The following TMCC1 variants were observed in gnomAD, a reference collection of about 807,000 sequenced individuals.
TMCC1 encodes the protein transmembrane and coiled-coil domains protein 1.
In TMCC1, 15 loss-of-function variants were observed where a neutral mutation model predicts 52.4. The observed-to-expected ratio is 0.29, with a 90% CI of 0.19 to 0.44. TMCC1 has a LOEUF of 0.44. Among genes scored for constraint, TMCC1 ranks in the 20% least tolerant of loss-of-function variants. TMCC1 has a pLI of 1.00. For synonymous variants in TMCC1, 279 were observed against 301.9 expected, an observed-to-expected ratio of 0.92 and a Z score of 0.79; for missense variants, 503 against 806.0, an observed-to-expected ratio of 0.62 and a Z score of 4.55.
intron 4 of TMCC1, among the ~76,000 whole-genome samples, chr3:129,806,252 T>C (rs543078441): frequency 1.3e-5 from 2 of 152,208 alleles, no homozygotes; most frequent in Admixed American, 6.5e-5. Context: ...GGCATAAACC[T>C]ACACAGGCAG....
chr3:129,838,953 C>G (rs2107861355), intron 2 of TMCC1, among the ~76,000 whole-genome samples: 1 of 152,078 alleles, frequency 6.6e-6, no homozygotes, highest in East Asian at 1.9e-4. Context: ...GAAAAGAAAA[C>G]TGCCCATCCA....
intron 4 of TMCC1, among the ~76,000 whole-genome samples, chr3:129,717,537 T>G (rs939862806): frequency 1.3e-5 from 2 of 152,220 alleles, no homozygotes; most frequent in Non-Finnish European, 2.9e-5. Flanking sequence ...CTTAGATGGC[T>G]GATGGACACC....
chr3:129,757,844 T>C (rs957126631), intron 4 of TMCC1, among the ~76,000 whole-genome samples: 1 of 144,770 alleles, frequency 6.9e-6, no homozygotes, highest in Non-Finnish European at 1.5e-5. Flanking sequence ...ATAAATAAAT[T>C]AAAAAAAAAA....
intron 4 of TMCC1, among the ~76,000 whole-genome samples, chr3:129,703,345 G>A (rs1187013496): frequency 1.3e-5 from 2 of 152,136 alleles, no homozygotes; most frequent in Non-Finnish European, 2.9e-5. Context: ...GCATCCAAAT[G>A]GCCAATTTCT....
At chr3:129,758,854 C>T (rs2053248184) in intron 4 of TMCC1, among the ~76,000 whole-genome samples, 1 of 152,204 alleles carries the variant, frequency 6.6e-6, no homozygotes, top group South Asian at 2.1e-4. Flanking sequence ...CCCCTGGCAA[C>T]CACCATTCTA....
intron 4 of TMCC1, among the ~76,000 whole-genome samples, chr3:129,808,359 G>A (rs1001100453): frequency 6.6e-6 from 1 of 152,032 alleles, no homozygotes; most frequent in Non-Finnish European, 1.5e-5. Flanking sequence ...GTGTGCACCT[G>A]TAATCCTAGC....
chr3:129,655,992 T>C (rs1309152349), intron 5 of TMCC1, among the ~76,000 whole-genome samples: 1 of 152,142 alleles, frequency 6.6e-6, no homozygotes, highest in East Asian at 1.9e-4. Flanking sequence ...GAATAGTGCA[T>C]CTATGTTGGA....
At chr3:129,862,611 G>T (rs562095309) in intron 2 of TMCC1, among the ~76,000 whole-genome samples, 38 of 152,266 alleles carry the variant, frequency 2.5e-4, no homozygotes, top group African/African-American at 8.4e-4. Flanking sequence ...AATAAGTGCT[G>T]AATAAATATT....
intron 4 of TMCC1, among the ~76,000 whole-genome samples, chr3:129,723,338 C>T (rs2049782934): frequency 6.7e-6 from 1 of 148,550 alleles, no homozygotes; most frequent in Admixed American, 6.7e-5. Context: ...AAATAAGTAG[C>T]TGAGCACTAA....
chr3:129,846,499 CTTAAAG>C (rs1045626462), intron 2 of TMCC1, among the ~76,000 whole-genome samples: 2 of 152,132 alleles, frequency 1.3e-5, no homozygotes, highest in African/African-American at 4.8e-5. Context: ...CAGTTCTATT[CTTAAAG>C]TTATTTCTTT....
chr3:129,687,168 A>G (rs564170658), intron 4 of TMCC1, among the ~76,000 whole-genome samples: 1 of 152,288 alleles, frequency 6.6e-6, no homozygotes, highest in Admixed American at 6.5e-5. Context: ...AGTCAGCAAA[A>G]AGTCAGGTGT....
intron 4 of TMCC1, among the ~76,000 whole-genome samples, chr3:129,760,452 C>CTGTG (rs1491184427): frequency 8.8e-5 from 6 of 68,348 alleles, no homozygotes; most frequent in Admixed American, 1.8e-4. Flanking sequence ...GACAGTCTCG[C>CTGTG]TCTGTGTGTG....
intron 4 of TMCC1, among the ~76,000 whole-genome samples, chr3:129,683,297 A>C (rs1241410018): frequency 1.3e-5 from 2 of 152,194 alleles, no homozygotes; most frequent in Non-Finnish European, 2.9e-5. Context: ...GTATTCCAAG[A>C]CTAGATTTAT....
chr3:129,836,934 T>C (rs2059188136), intron 2 of TMCC1, among the ~76,000 whole-genome samples: 1 of 152,070 alleles, frequency 6.6e-6, no homozygotes. Flanking sequence ...CAAGCAACAA[T>C]ACCAAACCAG....
chr3:129,861,308 C>T (rs893957682), intron 2 of TMCC1, among the ~76,000 whole-genome samples: 8 of 151,862 alleles, frequency 5.3e-5, no homozygotes, highest in African/African-American at 1.9e-4. Flanking sequence ...GGTGTGGTGG[C>T]GTGCACCTGT....
intron 4 of TMCC1, among the ~76,000 whole-genome samples, chr3:129,825,503 G>A (rs2058618589): frequency 6.6e-6 from 1 of 150,476 alleles, no homozygotes; most frequent in African/African-American, 2.5e-5. Flanking sequence ...CCCTTTAGAA[G>A]CTCCGAAGTT....
intron 4 of TMCC1, among the ~76,000 whole-genome samples, chr3:129,716,233 G>C (rs2049084126): frequency 2.8e-5 from 4 of 142,508 alleles, no homozygotes; most frequent in Non-Finnish European, 6.1e-5. Flanking sequence ...CACAATCTCG[G>C]CTAACTGTAA....
intron 2 of TMCC1, among the ~76,000 whole-genome samples, chr3:129,860,214 G>A (rs1337031608): frequency 6.6e-6 from 1 of 151,780 alleles, no homozygotes; most frequent in African/African-American, 2.4e-5. Flanking sequence ...TGTCAAAATT[G>A]AACTCAATAA....
intron 4 of TMCC1, among the ~76,000 whole-genome samples, chr3:129,720,511 C>G (rs569921026): frequency 6.6e-6 from 1 of 152,136 alleles, no homozygotes; most frequent in South Asian, 2.1e-4. Context: ...AGAGGTCCAG[C>G]CAACAGCCAG....
Sources: allele counts gnomAD v4.1 joint callset (sites outside exome capture counted in the v4.1 genomes callset), GRCh38; gene constraint gnomAD v4.1.1; transcripts MANE v1.5; gene names NCBI Gene and HGNC (gene_info 2026-07-23, HGNC 2026-07-21).